TMEM267: variants seen among roughly 807,000 people sequenced by gnomAD.
The protein encoded by TMEM267 is transmembrane protein C5orf28.
Under a neutral mutation model 19.3 loss-of-function variants are expected in TMEM267, and 20 were observed. That is an observed-to-expected ratio of 1.04 (90% CI 0.73 to 1.51). The LOEUF (loss-of-function observed/expected upper bound fraction) is 1.51. Ranked by LOEUF, TMEM267 falls within the 40% of genes most tolerant of loss-of-function variation. The pLI is 0.00. For missense variants in TMEM267, 242 were observed against 261.9 expected, an observed-to-expected ratio of 0.92 and a Z score of 0.52; for synonymous variants, 88 against 90.3, an observed-to-expected ratio of 0.97 and a Z score of 0.15.
chr5:43,477,590 CAAAAAAAAAAAA>C (rs10717949), intron 1 of TMEM267, among the ~76,000 whole-genome samples: 1 of 80,610 alleles, frequency 1.2e-5, no homozygotes, highest in African/African-American at 4.7e-5. Flanking sequence ...GACTCCGTCT[CAAAAAAAAAAAA>C]AAAAAAAAAA....
At chr5:43,460,077 G>A (rs901413822) in intron 1 of TMEM267, among the ~76,000 whole-genome samples, 11 of 152,224 alleles carry the variant, frequency 7.2e-5, no homozygotes, top group African/African-American at 1.9e-4. Context: ...TAAGAAGCAC[G>A]TGACCTAGAA....
chr5:43,448,893 C>G (rs4308491), intron 2 of TMEM267, among the ~76,000 whole-genome samples: 1 of 150,762 alleles, frequency 6.6e-6, no homozygotes, highest in Non-Finnish European at 1.5e-5. Flanking sequence ...TTATATCACA[C>G]GACTCCAAAG....
chr5:43,454,524 A>T (rs1742827282), intron 1 of TMEM267: 1 of 152,262 alleles, frequency 6.6e-6, no homozygotes, highest in Admixed American at 6.5e-5. Flanking sequence ...GGCTGAGCCA[A>T]TCAGATTCCT....
intron 1 of TMEM267, among the ~76,000 whole-genome samples, chr5:43,473,901 T>C (rs1259631975): frequency 6.6e-6 from 1 of 152,186 alleles, no homozygotes; most frequent in Non-Finnish European, 1.5e-5. Flanking sequence ...AGCATGGTAC[T>C]GGTACCAAAA....
chr5:43,465,770 C>T (rs932051727), intron 1 of TMEM267, among the ~76,000 whole-genome samples: 1 of 151,924 alleles, frequency 6.6e-6, no homozygotes, highest in Non-Finnish European at 1.5e-5. Flanking sequence ...CACATGGACA[C>T]AGGAAGGGGA....
intron 1 of TMEM267, among the ~76,000 whole-genome samples, chr5:43,471,115 C>T (rs1225520451): frequency 6.6e-6 from 1 of 151,684 alleles, no homozygotes; most frequent in Non-Finnish European, 1.5e-5. Flanking sequence ...ACAAAAGCAA[C>T]ATACAAAAGT....
At chr5:43,463,504 C>G (rs894839275) in intron 1 of TMEM267, among the ~76,000 whole-genome samples, 8 of 152,080 alleles carry the variant, frequency 5.3e-5, no homozygotes, top group African/African-American at 1.9e-4. Flanking sequence ...AATTTTAGAC[C>G]AATATCCTTG....
intron 1 of TMEM267, among the ~76,000 whole-genome samples, chr5:43,469,876 G>GCGATGTAAA (rs1743959288): frequency 6.6e-6 from 1 of 152,118 alleles, no homozygotes; most frequent in Non-Finnish European, 1.5e-5. Context: ...TTTCACCCTG[G>GCGATGTAAA]CGATGTAAAC....
chr5:43,452,557 T>C (rs1561185510), intron 2 of TMEM267, among the ~76,000 whole-genome samples: 1 of 142,732 alleles, frequency 7.0e-6, no homozygotes, highest in East Asian at 2.0e-4. Context: ...ATACACGTTA[T>C]ACAACTGTGC....
intron 1 of TMEM267, among the ~76,000 whole-genome samples, 165 bp from the exon 2 acceptor site, chr5:43,454,208 ATTT>A (rs374076278): frequency 0.017 from 2,280 of 133,594 alleles, 64 homozygotes; most frequent in East Asian, 0.13. Context: ...AGGAGAATAG[ATTT>A]TTTTTTTTTT....
chr5:43,468,797 C>A (rs1743903918), intron 1 of TMEM267, among the ~76,000 whole-genome samples: 1 of 152,168 alleles, frequency 6.6e-6, no homozygotes, highest in African/African-American at 2.4e-5. Flanking sequence ...TTCCTCAGCA[C>A]ATGGATATTC....
chr5:43,472,376 AT>A (rs1440715285), intron 1 of TMEM267, among the ~76,000 whole-genome samples: 1 of 152,302 alleles, frequency 6.6e-6, no homozygotes, highest in East Asian at 1.9e-4. Context: ...ATGGAGAACA[AT>A]TTGAACGTTC....
chr5:43,474,862 A>G (rs948028766), intron 1 of TMEM267, among the ~76,000 whole-genome samples: 6 of 152,204 alleles, frequency 3.9e-5, no homozygotes, highest in Non-Finnish European at 8.8e-5. Flanking sequence ...GCGATCATTA[A>G]AAAGTCAGGA....
chr5:43,484,145 C>G (rs555459742), upstream of TMEM267: 1 of 152,226 alleles, frequency 6.6e-6, no homozygotes, highest in South Asian at 2.1e-4. Context: ...TCAGTTTAGC[C>G]GGAGCTGTGC....
chr5:43,472,993 C>T (rs1447222221), intron 1 of TMEM267, among the ~76,000 whole-genome samples: 1 of 151,818 alleles, frequency 6.6e-6, no homozygotes, highest in East Asian at 1.9e-4. Flanking sequence ...CAAAAATTAG[C>T]CGGGTGTGGT....
At chr5:43,465,184 C>T (rs1179657290) in intron 1 of TMEM267, among the ~76,000 whole-genome samples, 3 of 152,180 alleles carry the variant, frequency 2.0e-5, no homozygotes, top group Non-Finnish European at 2.9e-5. Flanking sequence ...GACATTTATG[C>T]AGCCAAAAAA....
chr5:43,446,514 G>A lies in TMEM267; in HGVS notation c.356C>T (p.Thr119Ile), dbSNP rs1742249377. ...GGTCAGAACCACAACGGGAATCACA[G>A]TAGAACAGTGAAGGAAAGGTCTTCG... ...LPRRPFLHCSTVIPVVVLTLK... is the reference protein window; with the variant it reads ...LPRRPFLHCSIVIPVVVLTLK... Residue 119 changes from threonine to isoleucine, a missense_variant, in exon 3 of 3, where the codon ACT becomes ATT. Coordinates refer to ENST00000397080, the MANE Select transcript of TMEM267 (RefSeq NM_022483.5). 1 of 1,613,914 alleles carries A rather than the reference G, an allele frequency of 6.2e-7. No individual in the cohort carries two copies. The highest frequency in any genetic ancestry group is 1.1e-5 in the South Asian group (1 of 91,066).
intron 1 of TMEM267, chr5:43,479,936 A>G: frequency 4.7e-6 from 2 of 421,642 alleles, no homozygotes; most frequent in Non-Finnish European, 9.3e-6. Context: ...CAGGATTTAC[A>G]GTGTCACAAA....
intron 2 of TMEM267, among the ~76,000 whole-genome samples, chr5:43,450,993 C>T (rs780387413): frequency 2.0e-5 from 3 of 151,874 alleles, no homozygotes; most frequent in Non-Finnish European, 4.4e-5. Context: ...TGCCACTATG[C>T]CCGGCTAATT....
Sources: allele counts gnomAD v4.1 joint callset (sites outside exome capture counted in the v4.1 genomes callset), GRCh38; gene constraint gnomAD v4.1.1; transcripts MANE v1.5; gene names NCBI Gene and HGNC (gene_info 2026-07-23, HGNC 2026-07-21).